The following GPATCH2 variants were observed in gnomAD, a reference collection of about 807,000 sequenced individuals.
The protein encoded by GPATCH2 is G patch domain-containing protein 2.
In GPATCH2, 51 loss-of-function variants were observed where a neutral mutation model predicts 58.0. The observed-to-expected ratio is 0.88, with a 90% CI of 0.70 to 1.11. The LOEUF (loss-of-function observed/expected upper bound fraction) is 1.11, where lower values mean the gene tolerates loss of function less well. GPATCH2 is among the 50% of genes most tolerant of loss of function. The pLI is 0.00. For missense variants in GPATCH2, 625 were observed against 652.2 expected (o/e 0.96, Z 0.45); for synonymous variants, 222 against 218.5 (o/e 1.02, Z -0.14).
chr1:217,567,033 A>T (rs1033538627), intron 5 of GPATCH2, among the ~76,000 whole-genome samples: 6 of 148,566 alleles, frequency 4.0e-5, no homozygotes, highest in Non-Finnish European at 7.4e-5. Flanking sequence ...CACTCAGCAA[A>T]TATAACTTCT....
intron 9 of GPATCH2, among the ~76,000 whole-genome samples, chr1:217,447,069 A>G (rs894340698): frequency 6.6e-6 from 1 of 152,192 alleles, no homozygotes; most frequent in African/African-American, 2.4e-5. Context: ...AAATTCAGGG[A>G]CCATTCAACT....
At chr1:217,608,017 T>C (rs1240279161) in intron 5 of GPATCH2, among the ~76,000 whole-genome samples, 1 of 152,228 alleles carries the variant, frequency 6.6e-6, no homozygotes, top group Non-Finnish European at 1.5e-5. Context: ...ATTTCACTTC[T>C]TATTACCAGA....
chr1:217,431,153 AT>A lies in GPATCH2; in HGVS notation c.1578del (p.Lys526AsnfsTer24). On this transcript the variant is annotated frameshift_variant, in exon 10 of 10. Coordinates refer to ENST00000366935, the MANE Select transcript of GPATCH2 (RefSeq NM_018040.5). LOFTEE classifies it high-confidence loss of function. ...TTTCTTCTTTGCTTTTCTTAGGCGG[AT>A]TTTCCTGCATTGGGGGTAGTAGTTG... is the stretch of plus-strand genomic sequence containing the variant. ...TSATTTPNAGKSA is the reference protein window; with the variant it reads ...TSATTTPNAGXSA 6.8e-7 allele frequency: 1 copy of A among 1,467,234 alleles called. No homozygotes were observed. The highest frequency in any genetic ancestry group is 9.6e-7 in the Non-Finnish European group (1 of 1,045,758). The allele number at this position is 1,467,234 out of a possible 1,614,324, so 90.9% of individuals were successfully genotyped here.
At chr1:217,532,693 G>A (rs996324533) in intron 5 of GPATCH2, among the ~76,000 whole-genome samples, 2 of 151,974 alleles carry the variant, frequency 1.3e-5, no homozygotes, top group Non-Finnish European at 2.9e-5. Context: ...GCAAAGGGCA[G>A]GAGGAATGAA....
chr1:217,610,570 C>T (rs183028430), intron 4 of GPATCH2, among the ~76,000 whole-genome samples, 170 bp from the exon 5 acceptor site: 11 of 152,272 alleles, frequency 7.2e-5, no homozygotes, highest in African/African-American at 2.6e-4. Flanking sequence ...GAAGCAATGC[C>T]TAGCAAAGTA....
At position 217,611,089 on chromosome 1, in the gene GPATCH2, AC is replaced by A. The variant is rs145143662; in HGVS notation, c.836-19del. 11,458 of 1,515,248 alleles carry A rather than the reference AC, an allele frequency of 7.6e-3. 49 individuals carry two copies. The highest frequency in any genetic ancestry group is 8.8e-3 in the Non-Finnish European group (9,807 of 1,116,154). The allele number at this position is 1,515,248 out of a possible 1,614,324, so 93.9% of individuals were successfully genotyped here. A position where few individuals can be genotyped will look rare whatever the true frequency, so the allele number is the denominator to read the frequency against. The stretch of plus-strand genomic sequence containing the variant: ...ATCATCACCTGTGCAAATACAAGAA[AC>A]CCCCCCCCACCAAAGACTCAGTTTT... On this transcript the variant is annotated intron_variant, in intron 3 of 9. Coordinates refer to ENST00000366935, the MANE Select transcript of GPATCH2 (RefSeq NM_018040.5).
At chr1:217,587,105 T>G (rs560477815) in intron 5 of GPATCH2, among the ~76,000 whole-genome samples, 1 of 152,176 alleles carries the variant, frequency 6.6e-6, no homozygotes, top group Non-Finnish European at 1.5e-5. Context: ...TAGGATCAAT[T>G]TATCTCAGAT....
At chr1:217,614,088 A>C (rs902453646) in intron 3 of GPATCH2, 53 bp downstream of exon 3, 1 of 959,080 alleles carries the variant, frequency 1.0e-6, no homozygotes, top group Admixed American at 1.7e-5. Context: ...AATAAGCTCC[A>C]CTTTAGAATG....
chr1:217,511,133 T>C lies in GPATCH2; in HGVS notation c.1166+3689A>G, dbSNP rs535637530. 1.1e-4 allele frequency among the ~76,000 whole-genome samples: 16 copies of C among 151,934 alleles called. No homozygotes were observed. The South Asian group carries it at 3.3e-3, about 32-fold the overall frequency. On this transcript the variant is annotated intron_variant, in intron 6 of 9. Transcript: ENST00000366935. ...TAAAATAAATAAAATAAAATAAACA[T>C]AAAATAAAATTAGAAACTATATACC...
chr1:217,465,933 C>T (rs1416899627), intron 8 of GPATCH2, among the ~76,000 whole-genome samples: 1 of 152,138 alleles, frequency 6.6e-6, no homozygotes, highest in Admixed American at 6.5e-5. Context: ...AAAACCAAGT[C>T]ACTTTTATGT....
chr1:217,453,819 C>T (rs772328096), intron 8 of GPATCH2, among the ~76,000 whole-genome samples: 5 of 152,140 alleles, frequency 3.3e-5, no homozygotes, highest in Non-Finnish European at 5.9e-5. Flanking sequence ...GAACTTGTCT[C>T]TTCATTGCAT....
At chr1:217,577,565 TATCTC>T (rs1185765430) in intron 5 of GPATCH2, among the ~76,000 whole-genome samples, 1 of 152,192 alleles carries the variant, frequency 6.6e-6, no homozygotes, top group Non-Finnish European at 1.5e-5. Context: ...TATAAAATGT[TATCTC>T]AATACATCCA....
chr1:217,608,990 C>T, intron 5 of GPATCH2: 1 of 978,296 alleles, frequency 1.0e-6, no homozygotes, highest in Non-Finnish European at 1.2e-6. Flanking sequence ...GCAATGGCAA[C>T]TTGAAGTTTC....
intron 8 of GPATCH2, among the ~76,000 whole-genome samples, chr1:217,459,827 T>C (rs952534764): frequency 3.3e-5 from 5 of 152,142 alleles, no homozygotes; most frequent in Non-Finnish European, 7.4e-5. Context: ...CACTATATGA[T>C]ATCTGGATAT....
At chr1:217,608,213 A>T in intron 5 of GPATCH2, 2 of 909,626 alleles carry the variant, frequency 2.2e-6, no homozygotes, top group Non-Finnish European at 2.6e-6. Flanking sequence ...CAGAGATTTT[A>T]TTGAAAAAAA....
Position 217,449,337 on chromosome 1 carries a change from C to T in GPATCH2, c.1278G>A (p.Arg426=). 6.4e-7 allele frequency: 1 copy of T among 1,568,262 alleles called. No individual in the cohort carries two copies. Among genetic ancestry groups the T allele is most frequent in the South Asian group, 1.1e-5 (1 of 90,020 alleles). The part of the protein sequence containing the change: ...KKNCSVRTAS[R]QTSMHLGSLC... The stretch of plus-strand genomic sequence containing the variant: ...AGGATCCTAAATGCATGCTTGTTTG[C>T]CTACGAATAATTATCAGAAAAAACT... Residue 426 remains arginine (R), a splice_region_variant and synonymous_variant, in exon 9 of 10, where the codon AGG becomes AGA. Coordinates refer to ENST00000366935, the MANE Select transcript of GPATCH2 (RefSeq NM_018040.5).
chr1:217,527,225 C>G lies in GPATCH2; in HGVS notation c.1099-12336G>C, dbSNP rs180824187. ...CATCCCCAAACCATCCCCCTACCCC[C>G]AGTCTGTGGAAAAATTGTCTTCCAG... On this transcript the variant is annotated intron_variant, in intron 5 of 9. Coordinates refer to ENST00000366935, the MANE Select transcript of GPATCH2 (RefSeq NM_018040.5). Among the ~76,000 whole-genome samples, 1,359 of 152,266 alleles carry G rather than the reference C, an allele frequency of 8.9e-3. 8 individuals are homozygous for G. The highest frequency in any genetic ancestry group is 0.041 in the Middle Eastern group (12 of 294).
intron 7 of GPATCH2, among the ~76,000 whole-genome samples, chr1:217,494,089 A>G (rs1204207322): frequency 6.6e-6 from 1 of 152,218 alleles, no homozygotes; most frequent in African/African-American, 2.4e-5. Context: ...AATTTAAATG[A>G]GATAGCACCC....
chr1:217,477,401 G>A (rs1051778617), intron 8 of GPATCH2, among the ~76,000 whole-genome samples: 38 of 152,180 alleles, frequency 2.5e-4, no homozygotes, highest in African/African-American at 6.7e-4. Flanking sequence ...ACAGGGGCAC[G>A]GAGCACCAAG....
Sources: allele counts gnomAD v4.1 joint callset (sites outside exome capture counted in the v4.1 genomes callset), GRCh38; gene constraint gnomAD v4.1.1; transcripts MANE v1.5; gene names NCBI Gene and HGNC (gene_info 2026-07-23, HGNC 2026-07-21).